The following NAALADL2 variants were observed in gnomAD, a reference collection of about 807,000 sequenced individuals.
The protein encoded by NAALADL2 is N-acetylated alpha-linked acidic dipeptidase like 2.
NAALADL2 carries 76 observed loss-of-function variants against 87.2 expected under a neutral mutation model. The observed-to-expected ratio is 0.87, with a 90% CI of 0.72 to 1.05. The LOEUF (loss-of-function observed/expected upper bound fraction) is 1.05, where lower values mean the gene tolerates loss of function less well. Among genes scored for constraint, NAALADL2 ranks in the 50% least tolerant of loss-of-function variants. The probability of loss-of-function intolerance (pLI) is 0.00; values close to 1 mark genes in which losing one functional copy is unlikely to be tolerated. For missense variants in NAALADL2, 1,089 were observed against 945.8 expected (o/e 1.15, Z -1.99); for synonymous variants, 354 against 331.0 (o/e 1.07, Z -0.75).
At chr3:174,580,052 T>C (rs1473503594) in intron 2 of NAALADL2, among the ~76,000 whole-genome samples, 2 of 152,090 alleles carry the variant, frequency 1.3e-5, no homozygotes, top group Non-Finnish European at 1.5e-5. Flanking sequence ...ATTGGACTTT[T>C]AAAATTTGCT....
intron 1 of NAALADL2, among the ~76,000 whole-genome samples, chr3:175,034,557 C>T (rs1314191981): frequency 1.3e-5 from 2 of 152,112 alleles, no homozygotes; most frequent in African/African-American, 2.4e-5. Flanking sequence ...CCCCTGGCCA[C>T]ACTTTCTCCA....
chr3:175,706,219 A>C (rs930649973), intron 11 of NAALADL2, among the ~76,000 whole-genome samples: 3 of 152,094 alleles, frequency 2.0e-5, no homozygotes, highest in African/African-American at 7.2e-5. Context: ...AAGTATGCCC[A>C]AAATCTGTGA....
intron 9 of NAALADL2, among the ~76,000 whole-genome samples, chr3:175,520,541 A>T (rs928572779): frequency 6.7e-6 from 1 of 150,340 alleles, no homozygotes; most frequent in African/African-American, 2.5e-5. Context: ...CTCATGATCC[A>T]CCCGCCTCGG....
chr3:175,070,506 T>C (rs1196414110), intron 1 of NAALADL2, among the ~76,000 whole-genome samples: 1 of 152,056 alleles, frequency 6.6e-6, no homozygotes, highest in Non-Finnish European at 1.5e-5. Flanking sequence ...AGCTCATTGA[T>C]GAAGTAAAGT....
chr3:174,548,547 A>G (rs1023852327), intron 1 of NAALADL2, among the ~76,000 whole-genome samples: 3 of 152,214 alleles, frequency 2.0e-5, no homozygotes, highest in Non-Finnish European at 2.9e-5. Context: ...TTAAAAACAG[A>G]CAGAAAAACA....
chr3:174,834,664 TAAAAAC>T (rs1200438647), intron 3 of NAALADL2, among the ~76,000 whole-genome samples: 1 of 151,832 alleles, frequency 6.6e-6, no homozygotes, highest in Non-Finnish European at 1.5e-5. Context: ...AAAATACTAT[TAAAAAC>T]AAATTATAAA....
Position 174,795,883 on chromosome 3 carries a change from T to C in NAALADL2, c.-9+58137T>C, listed in dbSNP as rs1490883604. 4.6e-5 allele frequency among the ~76,000 whole-genome samples: 7 copies of C among 152,326 alleles called. No individual in the cohort carries two copies. In the East Asian group the frequency reaches 1.2e-3, roughly 25 times the overall value. On this transcript the variant is annotated intron_variant, in intron 3 of 3. Coordinates refer to the NAALADL2 transcript ENST00000434257. The stretch of plus-strand genomic sequence containing the variant: ...TGCCTATTATAAAAATTGGGTTGTG[T>C]TTTTATTGTTGATTTGTAAGATTTC...
chr3:175,332,154 T>C (rs1761481057), intron 5 of NAALADL2, among the ~76,000 whole-genome samples: 3 of 152,152 alleles, frequency 2.0e-5, no homozygotes, highest in Admixed American at 6.5e-5. Context: ...CCAAACTGCC[T>C]AAATGAATCT....
chr3:174,474,338 G>A (rs537594234), intron 1 of NAALADL2, among the ~76,000 whole-genome samples: 3 of 152,106 alleles, frequency 2.0e-5, no homozygotes, highest in South Asian at 4.2e-4. Flanking sequence ...ATAATGTTTC[G>A]GAGTTTGAAA....
chr3:174,879,818 A>G (rs1728969718), intron 1 of NAALADL2, among the ~76,000 whole-genome samples: 1 of 152,006 alleles, frequency 6.6e-6, no homozygotes, highest in South Asian at 2.1e-4. Flanking sequence ...TGCTCCAACT[A>G]TACCCAAAGC....
chr3:174,775,149 TATATA>T (rs1715054027), intron 3 of NAALADL2, among the ~76,000 whole-genome samples: 1 of 152,176 alleles, frequency 6.6e-6, no homozygotes, highest in South Asian at 2.1e-4. Flanking sequence ...TGAGATAATT[TATATA>T]ATATGATATT....
chr3:174,924,304 A>G (rs1162269571), intron 1 of NAALADL2, among the ~76,000 whole-genome samples: 1 of 147,418 alleles, frequency 6.8e-6, no homozygotes, highest in African/African-American at 2.5e-5. Flanking sequence ...GAGTGAGAAC[A>G]TGTGGTGTTT....
intron 2 of NAALADL2, among the ~76,000 whole-genome samples, chr3:175,162,399 G>A (rs1461270): frequency 0.54 from 81,522 of 151,930 alleles, 22,142 homozygotes; most frequent in East Asian, 0.75. Flanking sequence ...AGTCGTATCA[G>A]TATGTTTAAT....
chr3:175,342,228 A>G (rs766096150), intron 5 of NAALADL2, among the ~76,000 whole-genome samples: 6 of 152,132 alleles, frequency 3.9e-5, no homozygotes, highest in Non-Finnish European at 8.8e-5. Context: ...AAAAATATAT[A>G]TGAAGTCTAT....
intron 4 of NAALADL2, among the ~76,000 whole-genome samples, chr3:175,313,424 G>A (rs1758635508): frequency 6.6e-6 from 1 of 152,180 alleles, no homozygotes; most frequent in African/African-American, 2.4e-5. Context: ...GACATTCCTT[G>A]TGCTGGACCA....
intron 2 of NAALADL2, among the ~76,000 whole-genome samples, chr3:174,636,897 CA>C (rs1238757389): frequency 2.0e-5 from 3 of 152,084 alleles, no homozygotes; most frequent in Admixed American, 2.0e-4. Flanking sequence ...CTATGCACAA[CA>C]GCAAGGATAT....
At chr3:175,602,187 A>G (rs1723057873) in intron 10 of NAALADL2, among the ~76,000 whole-genome samples, 1 of 152,144 alleles carries the variant, frequency 6.6e-6, no homozygotes. Flanking sequence ...GTAGATAGGA[A>G]AATAAAAGAC....
intron 1 of NAALADL2, among the ~76,000 whole-genome samples, chr3:175,081,442 G>A (rs953535119): frequency 6.6e-6 from 1 of 152,060 alleles, no homozygotes; most frequent in Non-Finnish European, 1.5e-5. Flanking sequence ...TTTAATACCA[G>A]CTTCTCCTTG....
intron 2 of NAALADL2, among the ~76,000 whole-genome samples, chr3:174,620,213 A>G: frequency 6.6e-6 from 1 of 152,166 alleles, no homozygotes; most frequent in East Asian, 1.9e-4. Flanking sequence ...CTCTGGGAAT[A>G]TAAGGATGAA....
Sources: gnomAD v4.1 joint callset for allele counts (sites outside exome capture counted in the v4.1 genomes callset) on GRCh38, gnomAD v4.1.1 for gene constraint, MANE v1.5 for transcripts, NCBI Gene and HGNC (gene_info 2026-07-23, HGNC 2026-07-21) for gene names.